Variants in RFX4 observed in about 807,000 individuals in gnomAD.
RFX4 encodes regulatory factor X4.
In RFX4, 10 loss-of-function variants were observed where a neutral mutation model predicts 95.0. The ratio of observed to expected loss-of-function variants is 0.11; its 90% CI spans 0.06 to 0.18. The LOEUF is 0.18. RFX4 is among the 10% of genes least tolerant of loss of function. The pLI is 1.00. For synonymous variants in RFX4, 321 were observed against 340.7 expected (o/e 0.94, Z 0.64); for missense variants, 640 against 922.0 (o/e 0.69, Z 3.96).
At chr12:106,687,184 A>ATCTCTCTCT (rs2041677167) in intron 6 of RFX4, 87 bp downstream of exon 6, 1 of 135,378 alleles carries the variant, frequency 7.4e-6, no homozygotes, top group African/African-American at 9.0e-5. Flanking sequence ...TCTCTCTCTC[A>ATCTCTCTCT]CACACACACA....
At chr12:106,660,136 G>T (rs2041043160) in intron 4 of RFX4, among the ~76,000 whole-genome samples, 1 of 152,010 alleles carries the variant, frequency 6.6e-6, no homozygotes, top group Non-Finnish European at 1.5e-5. Flanking sequence ...TCTCATGTCT[G>T]TGTGGACCCA....
chr12:106,752,093 C>G (rs868554019), intron 17 of RFX4, among the ~76,000 whole-genome samples: 51 of 150,964 alleles, frequency 3.4e-4, no homozygotes, highest in African/African-American at 1.0e-3. Flanking sequence ...AGTCTTTAAT[C>G]CATCTTGAAT....
chr12:106,736,426 A>C (rs1301060683), intron 15 of RFX4, among the ~76,000 whole-genome samples: 1 of 152,034 alleles, frequency 6.6e-6, no homozygotes, highest in East Asian at 1.9e-4. Flanking sequence ...GCAAACTTCC[A>C]GGTGATTTTG....
intron 17 of RFX4, among the ~76,000 whole-genome samples, chr12:106,752,296 T>C (rs1443431795): frequency 6.6e-6 from 1 of 151,836 alleles, no homozygotes; most frequent in Non-Finnish European, 1.5e-5. Context: ...CATTGATCTA[T>C]ATCTCTGTTT....
chr12:106,745,878 T>C (rs1339829146), intron 15 of RFX4, among the ~76,000 whole-genome samples: 1 of 152,170 alleles, frequency 6.6e-6, no homozygotes, highest in East Asian at 1.9e-4. Flanking sequence ...TTATCAGAAA[T>C]TAAGTTGTCT....
intron 1 of RFX4, chr12:106,585,939 C>T (rs2039448921): frequency 6.6e-6 from 1 of 152,256 alleles, no homozygotes; most frequent in South Asian, 2.1e-4. Context: ...TCAGCATGAC[C>T]TGCGGAAACG....
At position 106,761,535 on chromosome 12, in the gene RFX4, C is replaced by A; in HGVS notation, c.*66C>A. 8.6e-7 allele frequency: 1 copy of A among 1,168,086 alleles called. No homozygotes were observed. The highest frequency in any genetic ancestry group is 1.1e-6 in the Non-Finnish European group (1 of 917,822). The allele number at this position is 1,168,086 out of a possible 1,614,324, so 72.4% of individuals were successfully genotyped here. A position where few individuals can be genotyped will look rare whatever the true frequency, so the allele number is the denominator to read the frequency against. On this transcript the variant is annotated 3_prime_UTR_variant, in exon 18 of 18. Coordinates refer to ENST00000392842, the MANE Select transcript of RFX4 (RefSeq NM_213594.3). ...ATTAATAATAATAATAAACCCAACA[C>A]CCATCCCCCAGAAGACTTTATCTCT...
At chr12:106,697,697 T>C (rs1193445381) in intron 8 of RFX4, among the ~76,000 whole-genome samples, 1 of 152,094 alleles carries the variant, frequency 6.6e-6, no homozygotes, top group East Asian at 1.9e-4. Context: ...TGCAGACGCA[T>C]CACTCTAATC....
intron 3 of RFX4, chr12:106,645,901 G>A: frequency 7.8e-7 from 1 of 1,289,144 alleles, no homozygotes. Flanking sequence ...ATGTGACTGT[G>A]TCCCTCCGGA....
intron 2 of RFX4, among the ~76,000 whole-genome samples, chr12:106,614,253 C>T (rs956807358): frequency 2.0e-5 from 3 of 151,736 alleles, no homozygotes; most frequent in Non-Finnish European, 4.4e-5. Flanking sequence ...CTCTGCCTCC[C>T]AGGTTCAAGT....
intron 8 of RFX4, among the ~76,000 whole-genome samples, chr12:106,704,146 G>C (rs1325458528): frequency 1.3e-5 from 2 of 148,506 alleles, no homozygotes. Context: ...GTCAGGACTC[G>C]AATATTCATT....
At chr12:106,699,662 C>T (rs899179468) in intron 8 of RFX4, among the ~76,000 whole-genome samples, 2 of 151,948 alleles carry the variant, frequency 1.3e-5, no homozygotes, top group Non-Finnish European at 1.5e-5. Flanking sequence ...CATAATATTT[C>T]TTGTTCAGAA....
chr12:106,583,316 A>C lies in RFX4; in HGVS notation c.-5A>C. 1 of 1,587,934 alleles carries C rather than the reference A, an allele frequency of 6.3e-7. No homozygotes were observed. The highest frequency in any genetic ancestry group is 8.5e-7 in the Non-Finnish European group (1 of 1,170,918). On this transcript the variant is annotated 5_prime_UTR_variant, in exon 1 of 18. Coordinates refer to ENST00000392842, the MANE Select transcript of RFX4 (RefSeq NM_213594.3). The stretch of plus-strand genomic sequence containing the variant: ...GGGGGCGCCTGTGCTGTCCATGGGA[A>C]GAGCATGCATTGTGGGTTACTGGAG...
At chr12:106,760,337 G>A (rs925371600) in intron 17 of RFX4, among the ~76,000 whole-genome samples, 1 of 152,112 alleles carries the variant, frequency 6.6e-6, no homozygotes, top group Non-Finnish European at 1.5e-5. Context: ...GGGCTTATTT[G>A]CATAGCTGTC....
chr12:106,585,392 G>T (rs2039440483), intron 1 of RFX4, among the ~76,000 whole-genome samples: 1 of 152,154 alleles, frequency 6.6e-6, no homozygotes, highest in South Asian at 2.1e-4. Flanking sequence ...TCTCCCTTTT[G>T]TATATCCGAG....
At chr12:106,705,403 G>A (rs762802011) in intron 8 of RFX4, among the ~76,000 whole-genome samples, 1 of 152,190 alleles carries the variant, frequency 6.6e-6, no homozygotes, top group Non-Finnish European at 1.5e-5. Flanking sequence ...TAGAAGTGGA[G>A]GACAGACCCT....
chr12:106,597,505 C>T (rs2039638972), intron 1 of RFX4, among the ~76,000 whole-genome samples: 1 of 152,152 alleles, frequency 6.6e-6, no homozygotes. Context: ...CATGTAGGCA[C>T]CTGATGTGCC....
At chr12:106,696,516 T>C in intron 8 of RFX4, 70 bp downstream of exon 8, 1 of 1,571,784 alleles carries the variant, frequency 6.4e-7, no homozygotes, top group Non-Finnish European at 8.7e-7. Context: ...TCTCTTGTAC[T>C]GATTATAATC....
At chr12:106,636,847 C>A (rs1043037432) in intron 2 of RFX4, among the ~76,000 whole-genome samples, 3 of 152,128 alleles carry the variant, frequency 2.0e-5, no homozygotes, top group African/African-American at 7.2e-5. Flanking sequence ...ATCAGAGCCC[C>A]CAGGCTTTCC....
Sources: allele counts gnomAD v4.1 joint callset (sites outside exome capture counted in the v4.1 genomes callset), GRCh38; gene constraint gnomAD v4.1.1; transcripts MANE v1.5; gene names NCBI Gene and HGNC (gene_info 2026-07-23, HGNC 2026-07-21).